Variants in VSIG1 observed in about 807,000 individuals in gnomAD.
VSIG1 encodes V-set and immunoglobulin domain-containing protein 1.
Under a neutral mutation model 20.1 loss-of-function variants are expected in VSIG1, and 11 were observed. The observed-to-expected ratio is 0.55, with a 90% CI of 0.34 to 0.91. The LOEUF is 0.91. Ranked by LOEUF, VSIG1 falls within the 40% of genes least tolerant of loss-of-function variation. The pLI, the probability that VSIG1 is intolerant of heterozygous loss-of-function variation, is 0.02. For missense variants in VSIG1, 283 were observed against 298.8 expected (o/e 0.95, Z 0.39); for synonymous variants, 126 against 116.7 (o/e 1.08, Z -0.52).
At chrX:108,039,985 G>C (rs2030454531), upstream of VSIG1, among the ~76,000 whole-genome samples, 1 of 110,938 alleles carries the variant, frequency 9.0e-6, no homozygotes, top group African/African-American at 3.3e-5. Flanking sequence ...GGGAAGACTT[G>C]CCTAAGGAAG....
At chrX:108,071,892 C>CAAAAAAAAAAAAAAA (rs1203449181) in intron 3 of VSIG1, among the ~76,000 whole-genome samples, 13 of 36,366 alleles carry the variant, frequency 3.6e-4, no homozygotes, top group Non-Finnish European at 3.9e-4. Flanking sequence ...TGAACAAATG[C>CAAAAAAAAAAAAAAA]AAAAAAAAAA....
rs905010585 is a variant in VSIG1 at position 108,055,153 on chromosome X, A to T, written c.50-2885A>T. On this transcript the variant is annotated intron_variant, in intron 1 of 6. Transcript: ENST00000217957. ...ACTATAGATCCTGCAGTCATTAAAA[A>T]TATAATGAGAGAATATTATGAACAA... Among the ~76,000 whole-genome samples the T allele has an allele frequency of 2.7e-5, 3 of 111,397 alleles. No individual in the cohort carries two copies. The South Asian group carries it at 1.1e-3, about 42-fold the overall frequency.
At chrX:108,047,414 A>G (rs1253759369) in intron 1 of VSIG1, among the ~76,000 whole-genome samples, 1 of 111,309 alleles carries the variant, frequency 9.0e-6, no homozygotes, top group East Asian at 2.8e-4. Flanking sequence ...CATTTTAGGT[A>G]TTTGAAATAT....
At chrX:108,047,869 TAC>T (rs1403689086) in intron 1 of VSIG1, among the ~76,000 whole-genome samples, 7 of 58,457 alleles carry the variant, frequency 1.2e-4, no homozygotes, top group African/African-American at 2.2e-4. Context: ...CATATATATA[TAC>T]ACATATATAT....
chrX:108,065,254 T>C (rs1040779812), intron 2 of VSIG1, among the ~76,000 whole-genome samples: 3 of 111,731 alleles, frequency 2.7e-5, no homozygotes, highest in African/African-American at 6.5e-5. Flanking sequence ...TTTCCCTCTT[T>C]TATTGGCCTG....
At chrX:108,070,249 T>C (rs764779421) in intron 3 of VSIG1, among the ~76,000 whole-genome samples, 54 of 111,706 alleles carry the variant, frequency 4.8e-4, no homozygotes, top group African/African-American at 1.6e-3. Context: ...GAGCTGAGCC[T>C]TTTCCTCCCA....
At chrX:108,049,253 A>G (rs1013373943) in intron 1 of VSIG1, among the ~76,000 whole-genome samples, 3 of 112,645 alleles carry the variant, frequency 2.7e-5, no homozygotes, top group African/African-American at 6.5e-5. Flanking sequence ...ACACATTTAT[A>G]TATCTTCTAT....
At chrX:108,047,893 T>C (rs1388437143) in intron 1 of VSIG1, among the ~76,000 whole-genome samples, 298 of 16,445 alleles carry the variant, frequency 0.018, 21 homozygotes, top group Non-Finnish European at 0.019. Context: ...TATACACACA[T>C]ATATATATAT....
chrX:108,040,863 C>CGTGTGTGTGTGTGTGTGTGT (rs1160406496), upstream of VSIG1, among the ~76,000 whole-genome samples: 1 of 108,598 alleles, frequency 9.2e-6, no homozygotes, highest in African/African-American at 3.3e-5. Flanking sequence ...TAAAAAACCT[C>CGTGTGTGTGTGTGTGTGTGT]GTGTGTGTGT....
chrX:108,062,096 G>C (rs1179249747), intron 2 of VSIG1, among the ~76,000 whole-genome samples: 1 of 110,745 alleles, frequency 9.0e-6, no homozygotes, highest in Admixed American at 9.6e-5. Context: ...GGGGTGGTCT[G>C]GTGCCTTTCT....
chrX:108,071,041 A>T (rs1011267253), intron 3 of VSIG1, among the ~76,000 whole-genome samples: 2 of 111,606 alleles, frequency 1.8e-5, no homozygotes, highest in African/African-American at 6.5e-5. Context: ...CAGAGGTTAG[A>T]TAATCTCTTA....
the VSIG1 span, among the ~76,000 whole-genome samples, chrX:108,032,475 G>T: frequency 9.0e-6 from 1 of 111,677 alleles, no homozygotes; most frequent in Non-Finnish European, 1.9e-5. Context: ...AGTGCAGAAA[G>T]ACACTAAACA....
chrX:108,072,388 G>T (rs190989764), intron 3 of VSIG1, among the ~76,000 whole-genome samples: 2 of 110,277 alleles, frequency 1.8e-5, no homozygotes, highest in Non-Finnish European at 3.8e-5. Context: ...AAGTAGCTGG[G>T]ATTACAGGCG....
the VSIG1 span, among the ~76,000 whole-genome samples, chrX:108,035,432 A>G: frequency 9.0e-6 from 1 of 110,896 alleles, no homozygotes. Flanking sequence ...TCCAGCCCTT[A>G]CGTACAACCA....
chrX:108,075,362 G>A (rs2031329713), intron 5 of VSIG1, among the ~76,000 whole-genome samples: 1 of 112,179 alleles, frequency 8.9e-6, no homozygotes, highest in Admixed American at 9.4e-5. Context: ...CTGTTTTTGT[G>A]AGACATGTAG....
upstream of VSIG1, among the ~76,000 whole-genome samples, chrX:108,040,050 A>C (rs1021413776): frequency 9.0e-6 from 1 of 111,617 alleles, no homozygotes; most frequent in African/African-American, 3.2e-5. Flanking sequence ...ACATAATGAA[A>C]ATTTCTTTAT....
intron 1 of VSIG1, among the ~76,000 whole-genome samples, chrX:108,047,895 T>TATAC (rs1569287225): frequency 2.2e-4 from 10 of 45,657 alleles, no homozygotes; most frequent in African/African-American, 1.2e-3. Context: ...TACACACATA[T>TATAC]ATATATATAC....
Position 108,057,768 on chromosome X carries a change from G to A in VSIG1, c.50-270G>A, listed in dbSNP as rs192507062. ...AGACTTTAAGAACCTGTGTAAGGCCGCCCTTAACACAGAAGAAATTCTCAG... is the reference window on the plus strand; with the variant it reads ...AGACTTTAAGAACCTGTGTAAGGCCACCCTTAACACAGAAGAAATTCTCAG... On this transcript the variant is annotated intron_variant, in intron 1 of 6. Coordinates refer to ENST00000217957, the MANE Select transcript of VSIG1 (RefSeq NM_182607.5). 3.0e-4 allele frequency among the ~76,000 whole-genome samples: 33 copies of A among 110,869 alleles called. No homozygotes were observed. The Middle Eastern group carries it at 0.023, about 77-fold the overall frequency.
intron 2 of VSIG1, among the ~76,000 whole-genome samples, chrX:108,062,750 C>T (rs897093120): frequency 1.3e-4 from 14 of 111,749 alleles, no homozygotes; most frequent in African/African-American, 3.6e-4. Context: ...ACCATTGCCA[C>T]CTTATACCTG....
Sources: allele counts gnomAD v4.1 joint callset (sites outside exome capture counted in the v4.1 genomes callset), GRCh38; gene constraint gnomAD v4.1.1; transcripts MANE v1.5; gene names NCBI Gene and HGNC (gene_info 2026-07-23, HGNC 2026-07-21).